The following WWC1 variants were observed in gnomAD, a reference collection of about 807,000 sequenced individuals.
WWC1 encodes the protein protein KIBRA.
WWC1 carries 55 observed loss-of-function variants against 138.4 expected under a neutral mutation model. The ratio of observed to expected loss-of-function variants is 0.40; its 90% CI spans 0.32 to 0.50. The LOEUF (loss-of-function observed/expected upper bound fraction) is 0.50, where lower values mean the gene tolerates loss of function less well. Ranked by LOEUF, WWC1 falls within the 20% of genes least tolerant of loss-of-function variation. The pLI, the probability that WWC1 is intolerant of heterozygous loss-of-function variation, is 0.72. For missense variants in WWC1, 1,226 were observed against 1,420.4 expected (o/e 0.86, Z 2.20); for synonymous variants, 524 against 564.9 (o/e 0.93, Z 1.03).
chr5:168,401,605 A>T (rs572557840), intron 5 of WWC1, among the ~76,000 whole-genome samples: 14 of 152,354 alleles, frequency 9.2e-5, no homozygotes, highest in African/African-American at 2.9e-4. Context: ...CAAATTCAGC[A>T]CAACACATGC....
intron 1 of WWC1, among the ~76,000 whole-genome samples, chr5:168,367,968 C>G (rs1444531492): frequency 2.0e-5 from 3 of 150,814 alleles, no homozygotes; most frequent in Non-Finnish European, 4.4e-5. Context: ...CACACACACA[C>G]TCTCTTCAGG....
chr5:168,422,690 T>C (rs1340305840), intron 10 of WWC1, among the ~76,000 whole-genome samples: 1 of 152,192 alleles, frequency 6.6e-6, no homozygotes, highest in African/African-American at 2.4e-5. Context: ...GCCTCAGACC[T>C]GGGCCTCCAT....
rs771813160 is a variant in WWC1 at position 168,454,058 on chromosome 5, C to A, written c.2616C>A (p.Thr872=). 1.2e-6 allele frequency: 2 copies of A among 1,612,942 alleles called. No individual in the cohort carries two copies. The highest frequency in any genetic ancestry group is 1.1e-5 in the South Asian group (1 of 90,966). Residue 872 remains threonine, a synonymous_variant, in exon 18 of 23, where the codon ACC becomes ACA. Transcript: ENST00000265293. ...AGGAGGGAGAAGAGGATGTTTTCAC[C>A]GAGAAAGCCTCACCTGATATGGATG... ...EEEEGEEDVF[T]EKASPDMDGY... is the part of the protein sequence containing the mutation.
At chr5:168,369,806 A>T (rs1776596256) in intron 1 of WWC1, among the ~76,000 whole-genome samples, 1 of 149,926 alleles carries the variant, frequency 6.7e-6, no homozygotes, top group Non-Finnish European at 1.5e-5. Flanking sequence ...TGTAAGTTGG[A>T]TTTGGAGTGA....
chr5:168,361,507 G>A (rs184240404), intron 1 of WWC1, among the ~76,000 whole-genome samples: 2 of 152,272 alleles, frequency 1.3e-5, no homozygotes, highest in Non-Finnish European at 2.9e-5. Flanking sequence ...GGGTTAGTTA[G>A]CCTGGGAAAA....
At chr5:168,438,418 C>G (rs534200155) in intron 15 of WWC1, among the ~76,000 whole-genome samples, 16 of 152,130 alleles carry the variant, frequency 1.1e-4, no homozygotes, top group Admixed American at 9.8e-4. Context: ...TTTGCTGCCA[C>G]CATGTGAAGA....
intron 1 of WWC1, among the ~76,000 whole-genome samples, chr5:168,356,811 T>A (rs567872959): frequency 6.6e-6 from 1 of 152,258 alleles, no homozygotes; most frequent in South Asian, 2.1e-4. Flanking sequence ...GTCGCGCTTC[T>A]CCAGTTACCA....
chr5:168,328,651 A>G (rs1288024080), intron 1 of WWC1, among the ~76,000 whole-genome samples: 1 of 152,040 alleles, frequency 6.6e-6, no homozygotes, highest in Non-Finnish European at 1.5e-5. Flanking sequence ...GGTTCAAGCA[A>G]TTCTTCTGCC....
intron 15 of WWC1, among the ~76,000 whole-genome samples, chr5:168,435,438 T>C (rs1476574277): frequency 6.6e-6 from 1 of 152,220 alleles, no homozygotes; most frequent in Admixed American, 6.5e-5. Flanking sequence ...TGACAGAGGA[T>C]CTTGCTTTGT....
intron 3 of WWC1, among the ~76,000 whole-genome samples, chr5:168,386,328 A>G (rs115223661): frequency 0.035 from 5,288 of 150,178 alleles, 106 homozygotes; most frequent in African/African-American, 0.045. Context: ...CTCCTATCCT[A>G]TCCCTGGTAC....
chr5:168,361,815 C>G (rs933513259), intron 1 of WWC1, among the ~76,000 whole-genome samples: 3 of 152,214 alleles, frequency 2.0e-5, no homozygotes, highest in Non-Finnish European at 4.4e-5. Context: ...GGTGCGGTGG[C>G]TCACGCCTGT....
intron 12 of WWC1, 89 bp from the exon 13 acceptor site, chr5:168,428,618 C>A: frequency 7.3e-7 from 1 of 1,376,748 alleles, no homozygotes; most frequent in Non-Finnish European, 1.0e-6. Context: ...CAAACCCCAA[C>A]TTTCCTTCCT....
chr5:168,453,255 A>T (rs1755994359), intron 17 of WWC1, among the ~76,000 whole-genome samples: 1 of 152,132 alleles, frequency 6.6e-6, no homozygotes, highest in African/African-American at 2.4e-5. Context: ...TGAACCGCTG[A>T]TGCATACAGC....
At chr5:168,448,578 A>G (rs1755495978) in intron 17 of WWC1, among the ~76,000 whole-genome samples, 1 of 146,026 alleles carries the variant, frequency 6.8e-6, no homozygotes, top group African/African-American at 2.6e-5. Context: ...TGTGTTTTTT[A>G]TATTTTAATA....
chr5:168,326,806 G>A (rs1418777939), intron 1 of WWC1, among the ~76,000 whole-genome samples: 1 of 152,120 alleles, frequency 6.6e-6, no homozygotes, highest in African/African-American at 2.4e-5. Context: ...CCAAAGTGCT[G>A]GGATTACAGG....
At chr5:168,304,490 G>A (rs1020420457) in intron 1 of WWC1, among the ~76,000 whole-genome samples, 3 of 152,194 alleles carry the variant, frequency 2.0e-5, no homozygotes, top group Admixed American at 2.0e-4. Flanking sequence ...CTGGTCACGA[G>A]GCCCTCTAAG....
intron 14 of WWC1, among the ~76,000 whole-genome samples, chr5:168,430,906 G>A (rs555882352): frequency 6.6e-6 from 1 of 152,176 alleles, no homozygotes; most frequent in Non-Finnish European, 1.5e-5. Flanking sequence ...CGGACAAAAC[G>A]GAAGGAAGAC....
chr5:168,302,279 C>CG (rs1186941381), intron 1 of WWC1, among the ~76,000 whole-genome samples: 1 of 152,154 alleles, frequency 6.6e-6, no homozygotes, highest in Admixed American at 6.5e-5. Flanking sequence ...TCCCACCCAG[C>CG]GGGGGGTTGG....
intron 8 of WWC1, among the ~76,000 whole-genome samples, chr5:168,413,769 C>G (rs1174173964): frequency 6.6e-6 from 1 of 152,164 alleles, no homozygotes; most frequent in African/African-American, 2.4e-5. Flanking sequence ...CCAGAACTGT[C>G]AGTGACTCAG....
Sources: allele counts gnomAD v4.1 joint callset (sites outside exome capture counted in the v4.1 genomes callset), GRCh38; gene constraint gnomAD v4.1.1; transcripts MANE v1.5; gene names NCBI Gene and HGNC (gene_info 2026-07-23, HGNC 2026-07-21).